The following NOTCH4 variants were observed in gnomAD, a reference collection of about 807,000 sequenced individuals.
NOTCH4 encodes neurogenic locus notch homolog protein 4.
Under a neutral mutation model 189.0 loss-of-function variants are expected in NOTCH4, and 138 were observed. That is an observed-to-expected ratio of 0.73 (90% CI 0.64 to 0.84). The LOEUF is 0.84. Ranked by LOEUF, NOTCH4 falls within the 40% of genes least tolerant of loss-of-function variation. The pLI, the probability that NOTCH4 is intolerant of heterozygous loss-of-function variation, is 0.00. For synonymous variants in NOTCH4, 942 were observed against 1,032.8 expected, an observed-to-expected ratio of 0.91 and a Z score of 1.69; for missense variants, 2,286 against 2,605.4, an observed-to-expected ratio of 0.88 and a Z score of 2.67.
rs1444190383 is a variant in NOTCH4 at position 32,198,583 on chromosome 6, TGAAG to T, written c.4618-28_4618-25del. ...GCCTTTGGGTAACAGCAAGGATCAG[TGAAG>T]GTTGATTTGCCCTTTCATCCCTTCC... On this transcript the variant is annotated intron_variant, in intron 25 of 29. Transcript: ENST00000375023. This position sits in a 1 kb window ranked among gnomAD's most constrained non-coding sequence, Gnocchi z 5.5. The T allele has an allele frequency of 1.9e-6, 3 of 1,611,902 alleles. No homozygotes were observed. Among genetic ancestry groups the T allele is most frequent in the Non-Finnish European group, 2.5e-6 (3 of 1,179,230 alleles).
chr6:32,214,466 G>GATATATATATATATATATATAT (rs1554151235), intron 12 of NOTCH4, among the ~76,000 whole-genome samples: 12 of 116,664 alleles, frequency 1.0e-4, no homozygotes, highest in African/African-American at 3.2e-4. Flanking sequence ...TCTAGTTGGA[G>GATATATATATATATATATATAT]ATATATATAT....
chr6:32,214,386 G>T, intron 12 of NOTCH4, 131 bp from the exon 13 acceptor site: 1 of 953,050 alleles, frequency 1.0e-6, no homozygotes, highest in Non-Finnish European at 1.6e-6. Context: ...CAGTGACTTT[G>T]CTCTCAGCAC....
intron 14 of NOTCH4, 118 bp from the exon 15 acceptor site, chr6:32,213,370 C>A: frequency 1.5e-6 from 1 of 660,472 alleles, no homozygotes; most frequent in African/African-American, 1.8e-5. Context: ...AGCTCACTGC[C>A]ATCCAATTAA....
intron 8 of NOTCH4, among the ~76,000 whole-genome samples, chr6:32,218,468 G>A (rs438475): frequency 0.18 from 28,045 of 152,058 alleles, 3,030 homozygotes; most frequent in East Asian, 0.34. Context: ...AATGAGTCCC[G>A]CTTCTTGTTC....
At chr6:32,216,704 G>A (rs1363824759) in intron 11 of NOTCH4, 7 of 604,252 alleles carry the variant, frequency 1.2e-5, no homozygotes, top group Admixed American at 5.9e-5. Context: ...TTTGAGCCCC[G>A]TCCTCTGCTC....
At position 32,212,164 on chromosome 6, in the gene NOTCH4, T is replaced by C. The variant is rs1789061466; in HGVS notation, c.2680+310A>G. ...AGTGTGGTCCACTCTGCCTGGGTTA[T>C]GATGATCAGGACAGAGTTGAGTTGC... On this transcript the variant is annotated intron_variant, in intron 17 of 29. Transcript: ENST00000375023. The surrounding 1 kb of genome is among the most constrained non-coding windows in gnomAD (Gnocchi z 4.4). Among the ~76,000 whole-genome samples, 1 of 152,198 alleles carries C rather than the reference T, an allele frequency of 6.6e-6. No homozygotes were observed. Among genetic ancestry groups the C allele is most frequent in the African/African-American group, 2.4e-5 (1 of 41,442 alleles).
Position 32,215,098 on chromosome 6 carries a change from T to C in NOTCH4, c.2021+128A>G, listed in dbSNP as rs114816309. On this transcript the variant is annotated intron_variant, in intron 12 of 29. Coordinates refer to ENST00000375023, the MANE Select transcript of NOTCH4 (RefSeq NM_004557.4). ...CCTCCCACTGCCTTGCCCTAAGAAC[T>C]TTGCCATCTCCTTCCTTTTCCCCAT... The C allele has an allele frequency of 5.3e-3, 4,656 of 876,146 alleles. 125 individuals carry two copies. The African/African-American group carries it at 0.069, about 13-fold the overall frequency. The allele number at this position is 876,146 out of a possible 1,614,324, so 54.3% of individuals were successfully genotyped here. A position where few individuals can be genotyped will look rare whatever the true frequency, so the allele number is the denominator to read the frequency against.
rs146595228 is a variant in NOTCH4, at chr6:32,210,842, G to A, written c.2775C>T (p.Ser925=). ...ATGGGTTCACGTGATCCTGGCACAG[G>A]CTGCCTTGGAATCCAGGGGGGCAGT... ...FCHCPPGFQG[S]LCQDHVNPCE... is the part of the protein sequence containing the mutation. The change falls in exon 18 of 30, where the codon AGC becomes AGT. Residue 925 remains serine (S), a synonymous_variant. Transcript: ENST00000375023. This position sits in a 1 kb window ranked among gnomAD's most constrained non-coding sequence, Gnocchi z 4.8. 7 of 1,613,020 alleles carry A rather than the reference G, an allele frequency of 4.3e-6. No individual in the cohort carries two copies. The highest frequency in any genetic ancestry group is 1.7e-5 in the Admixed American group (1 of 60,026).
intron 19 of NOTCH4, 63 bp from the exon 20 acceptor site, chr6:32,203,945 A>T: frequency 7.1e-7 from 1 of 1,412,064 alleles, no homozygotes; most frequent in Non-Finnish European, 9.6e-7. Context: ...ATCCTAGCTC[A>T]TTCCTGGATG....
In NOTCH4 at chr6:32,213,726, C is replaced by A; in HGVS notation, c.2282G>T (p.Gly761Val). 6.2e-7 allele frequency: 1 copy of A among 1,612,908 alleles called. No individual in the cohort carries two copies. The highest frequency in any genetic ancestry group is 8.5e-7 in the Non-Finnish European group (1 of 1,180,018). The change falls in exon 14 of 30, where the codon GGG becomes GTG. Residue 761 changes from glycine to valine, a missense_variant. By Grantham distance (109) the Gly-to-Val change is moderately radical (BLOSUM62 -3). This residue lies in a region of NOTCH4 where 1,903 missense variants were observed against 2,261.9 expected (regional missense o/e 0.84). Coordinates refer to ENST00000375023, the MANE Select transcript of NOTCH4 (RefSeq NM_004557.4). ...GTCAGTGCTGGTTTGGCACTGGGGCCCTGTGTGGCTTGGAGGGCAGGTGCA... is the reference window on the plus strand; with the variant it reads ...GTCAGTGCTGGTTTGGCACTGGGGCACTGTGTGGCTTGGAGGGCAGGTGCA... ...YYCTCPPSHTGPQCQTSTDYC... is the reference protein window; with the variant it reads ...YYCTCPPSHTVPQCQTSTDYC...
At position 32,217,935 on chromosome 6, in the gene NOTCH4, G is replaced by T; in HGVS notation, c.1624+60C>A. ...GTGGCCTTGGGTGATTGCTGAGCCTGAACTCTGCAGGTTCAGAGGCCTGGG... is the reference window on the plus strand; with the variant it reads ...GTGGCCTTGGGTGATTGCTGAGCCTTAACTCTGCAGGTTCAGAGGCCTGGG... On this transcript the variant is annotated intron_variant, in intron 9 of 29. Transcript: ENST00000375023. This position sits in a 1 kb window ranked among gnomAD's most constrained non-coding sequence, Gnocchi z 4.2. 8.8e-7 allele frequency: 1 copy of T among 1,135,024 alleles called. No individual in the cohort carries two copies. The highest frequency in any genetic ancestry group is 1.3e-6 in the Non-Finnish European group (1 of 755,354). 70.3% of individuals were successfully genotyped at this position (1,135,024 alleles called of 1,614,324 possible). A position where few individuals can be genotyped will look rare whatever the true frequency, so the allele number is the denominator to read the frequency against.
At position 32,212,928 on chromosome 6, in the gene NOTCH4, C is replaced by T; in HGVS notation, c.2439-17G>A. 1 of 1,563,360 alleles carries T rather than the reference C, an allele frequency of 6.4e-7. No homozygotes were observed. Among genetic ancestry groups the T allele is most frequent in the Non-Finnish European group, 8.7e-7 (1 of 1,153,302 alleles). On this transcript the variant is annotated splice_polypyrimidine_tract_variant and intron_variant, in intron 15 of 29. Coordinates refer to ENST00000375023, the MANE Select transcript of NOTCH4 (RefSeq NM_004557.4). This position sits in a 1 kb window ranked among gnomAD's most constrained non-coding sequence, Gnocchi z 4.4. The stretch of plus-strand genomic sequence containing the variant: ...CTACAGGGGCTGAACAAGACAGAGA[C>T]AGGGCATGATAGGAAGAAGTTCGGG...
rs750335826 is a variant in NOTCH4 at position 32,217,253 on chromosome 6, G to C, written c.1638C>G (p.Thr546=). The C allele has an allele frequency of 6.2e-7, 1 of 1,612,474 alleles. No homozygotes were observed. The highest frequency in any genetic ancestry group is 1.7e-5 in the Admixed American group (1 of 59,968). The change falls in exon 10 of 30, where the codon ACC becomes ACG. Residue 546 remains threonine, a synonymous_variant. Coordinates refer to ENST00000375023, the MANE Select transcript of NOTCH4 (RefSeq NM_004557.4). This position sits in a 1 kb window ranked among gnomAD's most constrained non-coding sequence, Gnocchi z 4.2. The part of the protein sequence containing the change: ...QCICLPGFSG[T]RCEEDIDECR... ...ACTCATCGATATCCTCCTCACATCGGGTGCCGGAGAATCCTGGTGGGGCGG... is the reference window on the plus strand; with the variant it reads ...ACTCATCGATATCCTCCTCACATCGCGTGCCGGAGAATCCTGGTGGGGCGG...
At position 32,210,525 on chromosome 6, in the gene NOTCH4, A is replaced by C. The variant is rs951430476; in HGVS notation, c.2865+227T>G. Among the ~76,000 whole-genome samples, 2 of 152,212 alleles carry C rather than the reference A, an allele frequency of 1.3e-5. No homozygotes were observed. Among genetic ancestry groups the C allele is most frequent in the Non-Finnish European group, 2.9e-5 (2 of 68,038 alleles). On this transcript the variant is annotated intron_variant, in intron 18 of 29. Coordinates refer to ENST00000375023, the MANE Select transcript of NOTCH4 (RefSeq NM_004557.4). The surrounding 1 kb of genome is among the most constrained non-coding windows in gnomAD (Gnocchi z 4.8). ...GATGCAAGTATCTATCTGGAACGCA[A>C]CAAAGGTCAGGACTCAGGCAGTGGG... is the stretch of plus-strand genomic sequence containing the variant.
chr6:32,206,451 A>G (rs907998625), intron 18 of NOTCH4, among the ~76,000 whole-genome samples: 1 of 152,154 alleles, frequency 6.6e-6, no homozygotes, highest in African/African-American at 2.4e-5. Context: ...CCCATTTATA[A>G]TAGTTACAAA....
At chr6:32,196,171 C>A (rs1294957868) in intron 29 of NOTCH4, 21 bp from the exon 30 acceptor site, 1 of 1,588,972 alleles carries the variant, frequency 6.3e-7, no homozygotes, top group Non-Finnish European at 8.5e-7. Context: ...GAGCCAGGGC[C>A]GATATCAGGG....
In NOTCH4 at chr6:32,201,184, T is replaced by C. The variant is rs776583688; in HGVS notation, c.4072A>G (p.Thr1358Ala). 6 of 1,612,858 alleles carry C rather than the reference T, an allele frequency of 3.7e-6. No individual in the cohort carries two copies. The East Asian group carries it at 1.1e-4, about 30-fold the overall frequency. The change falls in exon 22 of 30, where the codon ACC becomes GCC. Residue 1358 changes from threonine (T) to alanine (A), a missense_variant. Physicochemically the swap from Thr to Ala is moderately conservative, Grantham distance 58 (BLOSUM62 0). Transcript: ENST00000375023. This position sits in a 1 kb window ranked among gnomAD's most constrained non-coding sequence, Gnocchi z 5.5. ...EEKLGGTRDP[T>A]YQERAAPQTQ... The stretch of plus-strand genomic sequence containing the variant: ...TGAGGGGCTGCTCTCTCCTGATAGG[T>C]GGGGTCCCGAGTTCCTCCTAGCTTT...
In NOTCH4 at chr6:32,195,854, T is replaced by A; in HGVS notation, c.5595A>T (p.Ser1865=). ...CGCCCCCACGAGGGCCTGCTCCGGC[T>A]GACAGCGTCCGGCAGCGCGGCAGAG... is the stretch of plus-strand genomic sequence containing the variant. ...GGALPRCRTL[S]AGAGPRGGGA... The change falls in exon 30 of 30, where the codon TCA becomes TCT. Residue 1865 remains serine (S), a synonymous_variant. Transcript: ENST00000375023. The surrounding 1 kb of genome is among the most constrained non-coding windows in gnomAD (Gnocchi z 5.4). 1 of 1,596,666 alleles carries A rather than the reference T, an allele frequency of 6.3e-7. No individual in the cohort carries two copies. The highest frequency in any genetic ancestry group is 1.1e-5 in the South Asian group (1 of 90,702).
chr6:32,215,388 G>C lies in NOTCH4; in HGVS notation c.1862-3C>G. ...CAGGGGAACCTCACAGAGCTGGCCTGGGGTGGGAAGATGGGTCAAAAAGAA... is the reference window on the plus strand; with the variant it reads ...CAGGGGAACCTCACAGAGCTGGCCTCGGGTGGGAAGATGGGTCAAAAAGAA... On this transcript the variant is annotated splice_polypyrimidine_tract_variant and splice_region_variant and intron_variant, in intron 11 of 29. Coordinates refer to ENST00000375023, the MANE Select transcript of NOTCH4 (RefSeq NM_004557.4). The C allele has an allele frequency of 6.2e-7, 1 of 1,602,908 alleles. No homozygotes were observed. The highest frequency in any genetic ancestry group is 1.7e-5 in the Admixed American group (1 of 57,452).
Sources: allele counts gnomAD v4.1 joint callset (sites outside exome capture counted in the v4.1 genomes callset), GRCh38; gene constraint gnomAD v4.1.1; regional missense constraint gnomAD v4.1.1; non-coding constraint Gnocchi (gnomAD v3.1); transcripts MANE v1.5; gene names NCBI Gene and HGNC (gene_info 2026-07-23, HGNC 2026-07-21).